Variants in ARHGAP8 observed in about 807,000 individuals in gnomAD.
ARHGAP8 encodes the protein Rho GTPase activating protein 8.
In ARHGAP8, 62 loss-of-function variants were observed where a neutral mutation model predicts 46.1. The ratio of observed to expected loss-of-function variants is 1.34; its 90% CI spans 1.10 to 1.66. The LOEUF (loss-of-function observed/expected upper bound fraction) is 1.66. ARHGAP8 is among the 40% of genes most tolerant of loss of function. The pLI is 0.00. For synonymous variants in ARHGAP8, 375 were observed against 243.1 expected (o/e 1.54, Z -5.05); for missense variants, 923 against 568.4 (o/e 1.62, Z -6.34).
chr22:44,822,513 G>T lies in ARHGAP8; in HGVS notation c.485+44G>T, dbSNP rs777091113. ...CCAGAAGCCGCATCAATACATCTTC[G>T]TGCTTCCAAAGGGCTTGGTTCAGTC... On this transcript the variant is annotated intron_variant, in intron 6 of 11. Coordinates refer to ENST00000356099, the MANE Select transcript of ARHGAP8 (RefSeq NM_181335.3). 3 of 1,474,868 alleles carry T rather than the reference G, an allele frequency of 2.0e-6. No homozygotes were observed. In the Admixed American group the frequency reaches 8.2e-5, roughly 40 times the overall value. 91.4% of individuals were successfully genotyped at this position (1,474,868 alleles called of 1,614,324 possible).
At chr22:44,840,811 G>A (rs866294872) in intron 7 of ARHGAP8, among the ~76,000 whole-genome samples, 3 of 152,248 alleles carry the variant, frequency 2.0e-5, no homozygotes, top group Admixed American at 1.3e-4. Context: ...CCTCCCGGCC[G>A]CGTCCTCGCG....
intron 2 of ARHGAP8, among the ~76,000 whole-genome samples, chr22:44,789,332 G>C (rs1927496709): frequency 6.6e-6 from 1 of 152,032 alleles, no homozygotes; most frequent in Admixed American, 6.5e-5. Flanking sequence ...TGTATCTTTA[G>C]CAGAGACAGG....
intron 2 of ARHGAP8, among the ~76,000 whole-genome samples, chr22:44,787,037 C>A (rs67204834): frequency 0.11 from 13,064 of 117,586 alleles, 1,066 homozygotes; most frequent in African/African-American, 0.23. Flanking sequence ...CTCAAAAAAA[C>A]AAAAAAAAAA....
intron 5 of ARHGAP8, among the ~76,000 whole-genome samples, chr22:44,818,879 TG>T (rs1485506689): frequency 6.6e-6 from 1 of 151,976 alleles, no homozygotes; most frequent in African/African-American, 2.4e-5. Flanking sequence ...AACAATTTTT[TG>T]TTGAGACAGG....
At chr22:44,757,805 A>ATTTTTTTTTTTTTTTTTTT (rs132444) in intron 1 of ARHGAP8, among the ~76,000 whole-genome samples, 1 of 137,012 alleles carries the variant, frequency 7.3e-6, no homozygotes. Flanking sequence ...TGCCTGGCTA[A>ATTTTTTTTTTTTTTTTTTT]TTTTTTTTTT....
At chr22:44,846,510 C>G (rs1013544994) in intron 8 of ARHGAP8, among the ~76,000 whole-genome samples, 2 of 152,212 alleles carry the variant, frequency 1.3e-5, no homozygotes, top group Non-Finnish European at 2.9e-5. Flanking sequence ...GCGGCCCCAG[C>G]ATTTCCCTCA....
intron 5 of ARHGAP8, among the ~76,000 whole-genome samples, chr22:44,816,572 G>A (rs921195477): frequency 6.6e-6 from 1 of 152,110 alleles, no homozygotes; most frequent in East Asian, 1.9e-4. Context: ...TAGCACTTTG[G>A]GAGGCCAAGG....
intron 4 of ARHGAP8, chr22:44,809,594 G>T: frequency 3.8e-5 from 7 of 183,588 alleles, no homozygotes; most frequent in Non-Finnish European, 6.9e-5. Flanking sequence ...TGGTAGGGCA[G>T]GATCCCACCC....
intron 10 of ARHGAP8, among the ~76,000 whole-genome samples, chr22:44,858,466 C>A (rs1455331402): frequency 6.9e-6 from 1 of 145,932 alleles, no homozygotes; most frequent in Non-Finnish European, 1.5e-5. Context: ...CTTCTGAGTT[C>A]AAGCAATTCT....
intron 10 of ARHGAP8, among the ~76,000 whole-genome samples, chr22:44,857,391 T>A (rs1332707474): frequency 6.6e-6 from 1 of 152,200 alleles, no homozygotes; most frequent in Non-Finnish European, 1.5e-5. Flanking sequence ...TCTCCCCATC[T>A]TAGGTTCCTT....
intron 10 of ARHGAP8, among the ~76,000 whole-genome samples, chr22:44,852,416 G>C (rs1361475685): frequency 1.3e-5 from 2 of 152,090 alleles, no homozygotes; most frequent in Non-Finnish European, 2.9e-5. Context: ...CACAGAAGTA[G>C]GGGGAGTCAG....
At chr22:44,798,646 A>C (rs1241840008) in intron 2 of ARHGAP8, among the ~76,000 whole-genome samples, 3 of 152,010 alleles carry the variant, frequency 2.0e-5, no homozygotes, top group African/African-American at 7.2e-5. Context: ...TGCACCCTCA[A>C]GATCAGCGCT....
chr22:44,836,868 T>C (rs928421828), intron 7 of ARHGAP8, among the ~76,000 whole-genome samples: 3 of 152,020 alleles, frequency 2.0e-5, no homozygotes, highest in Non-Finnish European at 2.9e-5. Context: ...TGTTTCTTTC[T>C]TTCTTGTTTT....
chr22:44,795,312 G>A (rs1412168633), intron 2 of ARHGAP8, among the ~76,000 whole-genome samples: 1 of 152,126 alleles, frequency 6.6e-6, no homozygotes, highest in Non-Finnish European at 1.5e-5. Context: ...TGCATGTGCC[G>A]TACTCTGCCC....
chr22:44,837,328 G>A (rs976695852), intron 7 of ARHGAP8, among the ~76,000 whole-genome samples: 2 of 152,210 alleles, frequency 1.3e-5, no homozygotes, highest in Non-Finnish European at 2.9e-5. Flanking sequence ...GAGAGTCCCC[G>A]ATGCCCTCCA....
intron 5 of ARHGAP8, among the ~76,000 whole-genome samples, chr22:44,817,308 A>G (rs1286995602): frequency 6.6e-6 from 1 of 151,804 alleles, no homozygotes; most frequent in Non-Finnish European, 1.5e-5. Flanking sequence ...AGAAGGAGAG[A>G]TTTTTGGGGC....
intron 1 of ARHGAP8, among the ~76,000 whole-genome samples, chr22:44,753,338 C>G (rs1413384713): frequency 6.6e-6 from 1 of 151,986 alleles, no homozygotes; most frequent in Admixed American, 6.6e-5. Context: ...TCTTGTGCCT[C>G]AGCCTCCCGA....
At chr22:44,859,955 A>C (rs2070387285) in intron 11 of ARHGAP8, 121 bp downstream of exon 11, 2 of 1,172,260 alleles carry the variant, frequency 1.7e-6, no homozygotes, top group African/African-American at 1.5e-5. Flanking sequence ...TGGGCCTCGG[A>C]ATACCACTCC....
chr22:44,861,583 G>C (rs1037938848), intron 11 of ARHGAP8, among the ~76,000 whole-genome samples: 2 of 152,158 alleles, frequency 1.3e-5, no homozygotes, highest in African/African-American at 2.4e-5. Context: ...GGTACTCACC[G>C]CCTCATGACC....
Sources: gnomAD v4.1 joint callset for allele counts (sites outside exome capture counted in the v4.1 genomes callset) on GRCh38, gnomAD v4.1.1 for gene constraint, MANE v1.5 for transcripts, NCBI Gene and HGNC (gene_info 2026-07-23, HGNC 2026-07-21) for gene names.